The following ERC2 variants were observed in gnomAD, a reference collection of about 807,000 sequenced individuals.
ERC2 encodes the protein ERC protein 2.
Under a neutral mutation model 114.8 loss-of-function variants are expected in ERC2, and 42 were observed. The observed-to-expected ratio is 0.37, with a 90% CI of 0.29 to 0.47. ERC2 has a LOEUF of 0.47. ERC2 is among the 20% of genes least tolerant of loss of function. The pLI is 0.99. For synonymous variants in ERC2, 454 were observed against 425.5 expected (o/e 1.07, Z -0.82); for missense variants, 939 against 1,150.7 (o/e 0.82, Z 2.66).
At chr3:56,075,143 G>GAGTA (rs3052549) in intron 7 of ERC2, among the ~76,000 whole-genome samples, 133,307 of 149,516 alleles carry the variant, frequency 0.89, 58,573 homozygotes, top group East Asian at 0.92. Flanking sequence ...AGACTTCCCT[G>GAGTA]AGTGACATAA....
intron 17 of ERC2, among the ~76,000 whole-genome samples, chr3:55,642,622 C>G (rs994465685): frequency 3.3e-5 from 5 of 152,120 alleles, no homozygotes; most frequent in Admixed American, 2.0e-4. Context: ...ATCCACTGTG[C>G]CCAACCAGAT....
chr3:55,743,014 G>A (rs981525939), intron 14 of ERC2, among the ~76,000 whole-genome samples: 4 of 152,196 alleles, frequency 2.6e-5, no homozygotes, highest in Non-Finnish European at 4.4e-5. Context: ...GACCAGATTC[G>A]TAAAGGCCAG....
intron 17 of ERC2, among the ~76,000 whole-genome samples, chr3:55,552,652 G>A (rs2055296699): frequency 6.8e-6 from 1 of 147,498 alleles, no homozygotes. Context: ...AAAAAAAAAA[G>A]GAGAAAAGAA....
At chr3:55,708,738 A>AAAATAAAT (rs549587457) in intron 15 of ERC2, among the ~76,000 whole-genome samples, 8 of 152,036 alleles carry the variant, frequency 5.3e-5, no homozygotes, top group African/African-American at 1.9e-4. Flanking sequence ...TAAAAAGACA[A>AAAATAAAT]AAATAAATAA....
intron 3 of ERC2, among the ~76,000 whole-genome samples, chr3:56,203,908 C>G (rs13096822): frequency 0.46 from 69,235 of 152,148 alleles, 16,255 homozygotes; most frequent in East Asian, 0.71. Flanking sequence ...CAGGCCGGGC[C>G]TGGTGGCTTA....
At chr3:55,988,659 T>C (rs564933841) in intron 11 of ERC2, among the ~76,000 whole-genome samples, 1 of 152,338 alleles carries the variant, frequency 6.6e-6, no homozygotes, top group East Asian at 1.9e-4. Flanking sequence ...GAACATTTCC[T>C]CCTTTTAAAA....
At chr3:56,294,299 T>C (rs991182957) in intron 3 of ERC2, among the ~76,000 whole-genome samples, 2 of 152,260 alleles carry the variant, frequency 1.3e-5, no homozygotes, top group Non-Finnish European at 2.9e-5. Flanking sequence ...TCACAGTTTC[T>C]GTGTGTCAGG....
intron 17 of ERC2, among the ~76,000 whole-genome samples, chr3:55,568,829 G>A (rs1283830084): frequency 1.3e-5 from 2 of 152,096 alleles, no homozygotes; most frequent in Non-Finnish European, 2.9e-5. Context: ...TGTGACCCAT[G>A]AGACCCTACA....
chr3:55,944,078 C>G (rs1171395982), intron 13 of ERC2, among the ~76,000 whole-genome samples: 2 of 152,290 alleles, frequency 1.3e-5, no homozygotes, highest in East Asian at 3.9e-4. Flanking sequence ...AAAGCCCCCT[C>G]AAAATAAATA....
chr3:55,551,938 A>T (rs563521264), intron 17 of ERC2, among the ~76,000 whole-genome samples: 5 of 152,222 alleles, frequency 3.3e-5, no homozygotes, highest in Non-Finnish European at 7.3e-5. Context: ...CATTTGCTCC[A>T]GCTGGCCCCC....
chr3:55,977,148 T>C (rs573810174), intron 12 of ERC2, among the ~76,000 whole-genome samples: 2 of 152,334 alleles, frequency 1.3e-5, no homozygotes, highest in Admixed American at 6.5e-5. Context: ...TATTTTGTTA[T>C]AGCAGCCTGA....
At chr3:55,536,022 C>A (rs137868015) in intron 17 of ERC2, among the ~76,000 whole-genome samples, 2,536 of 152,128 alleles carry the variant, frequency 0.017, 32 homozygotes, top group Middle Eastern at 0.048. Context: ...ACAACAACAA[C>A]AAAAAAACAA....
At chr3:56,309,655 T>C (rs963183442) in intron 2 of ERC2, among the ~76,000 whole-genome samples, 8 of 152,332 alleles carry the variant, frequency 5.3e-5, no homozygotes, top group African/African-American at 1.9e-4. Context: ...ATCAGGCTAC[T>C]CATCCGTAAA....
At chr3:55,922,529 C>G (rs964663672) in intron 13 of ERC2, among the ~76,000 whole-genome samples, 36 of 152,144 alleles carry the variant, frequency 2.4e-4, no homozygotes, top group African/African-American at 8.4e-4. Flanking sequence ...CTCTTCTCCC[C>G]CTACCCCCTT....
intron 6 of ERC2, among the ~76,000 whole-genome samples, chr3:56,092,938 A>G (rs1446035335): frequency 6.6e-6 from 1 of 152,200 alleles, no homozygotes; most frequent in East Asian, 1.9e-4. Flanking sequence ...CTAAACTATC[A>G]CTGAAGCTCC....
chr3:56,002,189 A>G (rs893885434), intron 10 of ERC2, among the ~76,000 whole-genome samples: 8 of 152,172 alleles, frequency 5.3e-5, no homozygotes, highest in African/African-American at 1.4e-4. Flanking sequence ...ATCAAGCTGT[A>G]TGTATCCTGA....
Position 56,188,796 on chromosome 3 carries a change from A to C in ERC2, c.1075-15276T>G, listed in dbSNP as rs184437196. 7.2e-5 allele frequency among the ~76,000 whole-genome samples: 11 copies of C among 152,322 alleles called. No homozygotes were observed. The East Asian group carries it at 2.1e-3, about 29-fold the overall frequency. On this transcript the variant is annotated intron_variant, in intron 3 of 17. Coordinates refer to ENST00000288221, the MANE Select transcript of ERC2 (RefSeq NM_015576.3). ...ACTGGGCTGAAGCCTGAAAGATTTC[A>C]GATTGGGGCAGTCATGCCTCCGTGA...
chr3:55,629,278 C>T (rs1216082054), intron 17 of ERC2, among the ~76,000 whole-genome samples: 1 of 152,172 alleles, frequency 6.6e-6, no homozygotes, highest in Admixed American at 6.5e-5. Flanking sequence ...CAGAGATGAT[C>T]GGAAGCCAGT....
intron 14 of ERC2, among the ~76,000 whole-genome samples, chr3:55,788,657 C>T (rs2069717045): frequency 6.6e-6 from 1 of 152,190 alleles, no homozygotes; most frequent in African/African-American, 2.4e-5. Flanking sequence ...TCTTTGAACA[C>T]ACCCTACCTC....
Sources: allele counts gnomAD v4.1 joint callset (sites outside exome capture counted in the v4.1 genomes callset), GRCh38; gene constraint gnomAD v4.1.1; transcripts MANE v1.5; gene names NCBI Gene and HGNC (gene_info 2026-07-23, HGNC 2026-07-21).